Variants in CNTN5 observed in about 807,000 individuals in gnomAD.
CNTN5 encodes contactin-5.
CNTN5 carries 77 observed loss-of-function variants against 129.1 expected under a neutral mutation model. The ratio of observed to expected loss-of-function variants is 0.60; its 90% confidence interval spans 0.50 to 0.72. CNTN5 has a LOEUF of 0.72. CNTN5 is among the 30% of genes least tolerant of loss of function. The pLI, the probability that CNTN5 is intolerant of heterozygous loss-of-function variation, is 0.00. For synonymous variants in CNTN5, 509 were observed against 465.6 expected (o/e 1.09, Z -1.20); for missense variants, 1,478 against 1,328.8 (o/e 1.11, Z -1.75).
chr11:100,132,641 T>A (rs1301788452), intron 13 of CNTN5, among the ~76,000 whole-genome samples: 1 of 152,104 alleles, frequency 6.6e-6, no homozygotes, highest in Admixed American at 6.6e-5. Flanking sequence ...TGAATCATAT[T>A]TATCTTTTGA....
chr11:99,591,064 T>C (rs1391862582), intron 3 of CNTN5, among the ~76,000 whole-genome samples: 1 of 152,188 alleles, frequency 6.6e-6, no homozygotes, highest in Admixed American at 6.5e-5. Flanking sequence ...TGAGGATCAC[T>C]GAGCTGCTGC....
intron 6 of CNTN5, among the ~76,000 whole-genome samples, chr11:99,873,586 A>G (rs1419136886): frequency 6.6e-6 from 1 of 152,142 alleles, no homozygotes; most frequent in East Asian, 1.9e-4. Context: ...TGGATGCAGA[A>G]AAAACGGAAC....
intron 1 of CNTN5, among the ~76,000 whole-genome samples, chr11:99,272,951 T>TTTACATTGAGAGAGTGAAGTATAAG (rs1213041573): frequency 6.6e-6 from 1 of 151,844 alleles, no homozygotes; most frequent in Non-Finnish European, 1.5e-5. Context: ...AATTAAGAAC[T>TTTACATTGAGAGAGTGAAGTATAAG]TTACATTGAG....
At chr11:99,958,534 C>G (rs1950860772) in intron 8 of CNTN5, among the ~76,000 whole-genome samples, 1 of 151,976 alleles carries the variant, frequency 6.6e-6, no homozygotes, top group Non-Finnish European at 1.5e-5. Flanking sequence ...TTCCTAATAC[C>G]CATAAGAGAG....
chr11:99,180,101 A>T (rs115075456), intron 1 of CNTN5, among the ~76,000 whole-genome samples: 581 of 152,334 alleles, frequency 3.8e-3, no homozygotes, highest in African/African-American at 0.013. Context: ...ACACACACAC[A>T]CTACCTTAAA....
At chr11:99,626,189 T>C (rs1379197671) in intron 3 of CNTN5, among the ~76,000 whole-genome samples, 1 of 151,952 alleles carries the variant, frequency 6.6e-6, no homozygotes, top group Non-Finnish European at 1.5e-5. Flanking sequence ...TGAGCCCGGC[T>C]CTATGGATGG....
At chr11:99,615,988 G>A (rs542924099) in intron 3 of CNTN5, among the ~76,000 whole-genome samples, 2 of 151,918 alleles carry the variant, frequency 1.3e-5, no homozygotes, top group South Asian at 2.1e-4. Context: ...TGCACTCCTC[G>A]GCCTCTCAAT....
intron 2 of CNTN5, among the ~76,000 whole-genome samples, chr11:99,421,207 A>G (rs1271433537): frequency 1.3e-5 from 2 of 151,662 alleles, no homozygotes; most frequent in African/African-American, 4.9e-5. Flanking sequence ...CTATAAGCTC[A>G]GGGGATACAT....
intron 13 of CNTN5, among the ~76,000 whole-genome samples, chr11:100,091,554 G>A (rs1299426039): frequency 6.7e-6 from 1 of 148,784 alleles, no homozygotes; most frequent in Non-Finnish European, 1.5e-5. Flanking sequence ...TCAACCTCCT[G>A]AGTAGCTGAG....
At chr11:99,428,971 A>G (rs1027735553) in intron 2 of CNTN5, among the ~76,000 whole-genome samples, 11 of 152,134 alleles carry the variant, frequency 7.2e-5, no homozygotes, top group African/African-American at 1.2e-4. Flanking sequence ...TTACACAAAG[A>G]TAATTCTGTT....
At chr11:100,015,556 G>A (rs1940778251) in intron 9 of CNTN5, among the ~76,000 whole-genome samples, 1 of 152,068 alleles carries the variant, frequency 6.6e-6, no homozygotes, top group African/African-American at 2.4e-5. Flanking sequence ...CAAATTCATG[G>A]ATTGCAGTTC....
At chr11:99,092,868 C>T (rs1007709359) in intron 1 of CNTN5, among the ~76,000 whole-genome samples, 2 of 151,800 alleles carry the variant, frequency 1.3e-5, no homozygotes, top group Admixed American at 6.6e-5. Context: ...TTGTTGTACC[C>T]TTTCTGTGTT....
At chr11:100,337,384 G>A (rs1565437373) in intron 21 of CNTN5, 1 of 788,210 alleles carries the variant, frequency 1.3e-6, no homozygotes, top group African/African-American at 1.7e-5. Context: ...GCCCTCAGCA[G>A]AGAGAGCACC....
chr11:99,754,139 A>G (rs773938675), intron 3 of CNTN5, among the ~76,000 whole-genome samples: 8 of 152,190 alleles, frequency 5.3e-5, no homozygotes, highest in African/African-American at 1.4e-4. Flanking sequence ...GCTGTTGTCC[A>G]TTTGATTGCT....
chr11:100,196,511 A>C (rs1158980996), intron 15 of CNTN5, among the ~76,000 whole-genome samples: 1 of 151,984 alleles, frequency 6.6e-6, no homozygotes, highest in Non-Finnish European at 1.5e-5. Context: ...TCTATATACA[A>C]TGCACATTTT....
chr11:100,287,116 C>T (rs907080682), intron 18 of CNTN5, among the ~76,000 whole-genome samples: 1 of 152,050 alleles, frequency 6.6e-6, no homozygotes, highest in African/African-American at 2.4e-5. Flanking sequence ...GTGAAAAGAC[C>T]AAATCTACGT....
chr11:99,705,149 C>T (rs541374106), intron 3 of CNTN5, among the ~76,000 whole-genome samples: 1 of 151,452 alleles, frequency 6.6e-6, no homozygotes, highest in South Asian at 2.1e-4. Flanking sequence ...CTCTGTTGAA[C>T]ACATACATAT....
chr11:99,104,022 A>G (rs1262536081), intron 1 of CNTN5, among the ~76,000 whole-genome samples: 2 of 152,184 alleles, frequency 1.3e-5, no homozygotes, highest in African/African-American at 4.8e-5. Context: ...ATTTTGTGGA[A>G]TTCTTTTATG....
chr11:99,601,503 T>C (rs1039240989), intron 3 of CNTN5, among the ~76,000 whole-genome samples: 1 of 152,206 alleles, frequency 6.6e-6, no homozygotes, highest in African/African-American at 2.4e-5. Context: ...AAATATCCCT[T>C]GAGAGTAAGA....
Sources: allele counts gnomAD v4.1 joint callset (sites outside exome capture counted in the v4.1 genomes callset), GRCh38; gene constraint gnomAD v4.1.1; transcripts MANE v1.5; gene names NCBI Gene and HGNC (gene_info 2026-07-23, HGNC 2026-07-21).